Variants in CPLANE1 observed in about 807,000 individuals in gnomAD.
CPLANE1 encodes ciliogenesis and planar polarity effector complex subunit 1.
Under a neutral mutation model 362.5 loss-of-function variants are expected in CPLANE1, and 263 were observed. The ratio of observed to expected loss-of-function variants is 0.73; its 90% CI spans 0.66 to 0.80. The LOEUF is 0.80. Ranked by LOEUF, CPLANE1 falls within the 30% of genes least tolerant of loss-of-function variation. The pLI is 0.00. For synonymous variants in CPLANE1, 1,212 were observed against 1,302.6 expected (o/e 0.93, Z 1.50); for missense variants, 3,461 against 3,793.4 (o/e 0.91, Z 2.30).
intron 8 of CPLANE1, among the ~76,000 whole-genome samples, chr5:37,236,355 C>T (rs1216636038): frequency 2.0e-5 from 3 of 151,966 alleles, no homozygotes; most frequent in African/African-American, 4.8e-5. Context: ...AAAAATAGTG[C>T]TGGGAAAATT....
intron 8 of CPLANE1, among the ~76,000 whole-genome samples, chr5:37,233,911 C>T (rs1441713191): frequency 3.9e-5 from 6 of 152,130 alleles, no homozygotes; most frequent in Admixed American, 3.9e-4. Flanking sequence ...AACAAAACTT[C>T]ACCATAACCC....
chr5:37,159,173 G>C (rs1341327095), intron 38 of CPLANE1, among the ~76,000 whole-genome samples: 2 of 130,752 alleles, frequency 1.5e-5, no homozygotes, highest in Middle Eastern at 9.2e-3. Flanking sequence ...CTGCAGTGGC[G>C]CAATCTCGGC....
At chr5:37,079,068 C>T in the CPLANE1 span, among the ~76,000 whole-genome samples, 6 of 152,036 alleles carry the variant, frequency 3.9e-5, no homozygotes, top group East Asian at 1.9e-4. Flanking sequence ...AGATCCCAGT[C>T]GTCAATTTTT....
chr5:37,104,095 GT>G, downstream of CPLANE1, among the ~76,000 whole-genome samples: 1 of 152,202 alleles, frequency 6.6e-6, no homozygotes, highest in East Asian at 1.9e-4. Context: ...TTGTCTGCAT[GT>G]TTTATTTCAG....
chr5:37,224,946 C>CTTTTT (rs199801993), intron 12 of CPLANE1, among the ~76,000 whole-genome samples: 8 of 131,290 alleles, frequency 6.1e-5, no homozygotes, highest in African/African-American at 2.2e-4. Flanking sequence ...CACCTGTAAT[C>CTTTTT]TTTTTTTTTT....
chr5:37,105,224 T>C (rs1280691953), downstream of CPLANE1, among the ~76,000 whole-genome samples: 1 of 151,870 alleles, frequency 6.6e-6, no homozygotes, highest in African/African-American at 2.4e-5. Flanking sequence ...CGCTTGAGCC[T>C]GGTAGGTCAA....
intron 6 of CPLANE1, among the ~76,000 whole-genome samples, 168 bp downstream of exon 6, chr5:37,242,845 A>G (rs1434061548): frequency 6.6e-6 from 1 of 152,066 alleles, no homozygotes; most frequent in Admixed American, 6.6e-5. Flanking sequence ...CTGTTAAAAA[A>G]AAAAAAAAAA....
At position 37,176,364 on chromosome 5, in the gene CPLANE1, G is replaced by A. The variant is rs57564262; in HGVS notation, c.5901-378C>T. Reference sequence around the variant, plus strand: ...TTGAAACTGTAAAGAGGCTGGGCACGATGGCTCACGACTGTAATCCCAGCA... The same window carrying A: ...TTGAAACTGTAAAGAGGCTGGGCACAATGGCTCACGACTGTAATCCCAGCA... On this transcript the variant is annotated intron_variant, in intron 30 of 52. Transcript: ENST00000651892. Among the ~76,000 whole-genome samples the A allele has an allele frequency of 7.1e-3, 1,087 of 152,132 alleles. 18 individuals carry two copies. Among genetic ancestry groups the A allele is most frequent in the African/African-American group, 0.024 (1,015 of 41,488 alleles).
chr5:37,150,476 T>C (rs996722085), intron 42 of CPLANE1, among the ~76,000 whole-genome samples: 74 of 152,152 alleles, frequency 4.9e-4, no homozygotes, highest in African/African-American at 1.8e-3. Context: ...AAATTTATCA[T>C]GTCCCTGATA....
Position 37,226,741 on chromosome 5 carries a change from T to C in CPLANE1, c.1854A>G (p.Lys618=), listed in dbSNP as rs772570446. Residue 618 remains lysine, a synonymous_variant, in exon 12 of 53, where the codon AAA becomes AAG. Coordinates refer to ENST00000651892, the MANE Select transcript of CPLANE1 (RefSeq NM_001384732.1). The part of the protein sequence containing the change: ...ILQFIKCPFP[K]LDLVLSKSSR... The stretch of plus-strand genomic sequence containing the variant: ...AGCTTTTGCTTAAAACAAGATCAAG[T>C]TTAGGAAAAGGACATTTTATAAATT... The C allele has an allele frequency of 1.3e-6, 2 of 1,543,902 alleles. No individual in the cohort carries two copies. The highest frequency in any genetic ancestry group is 2.4e-5 in the South Asian group (2 of 82,352).
At chr5:37,210,400 T>A (rs1262839415) in intron 16 of CPLANE1, 17 of 1,010,704 alleles carry the variant, frequency 1.7e-5, no homozygotes, top group Non-Finnish European at 1.6e-6. Flanking sequence ...GACCAAAAAC[T>A]CAAGAATGAA....
At chr5:37,140,892 G>A in intron 44 of CPLANE1, 1 of 968,648 alleles carries the variant, frequency 1.0e-6, no homozygotes, top group South Asian at 4.8e-5. Context: ...TATTGTTAGT[G>A]TTAGTGTATT....
intron 16 of CPLANE1, 39 bp downstream of exon 16, chr5:37,213,520 T>C: frequency 7.1e-7 from 1 of 1,409,776 alleles, no homozygotes; most frequent in Non-Finnish European, 9.5e-7. Flanking sequence ...TTATGTGCAA[T>C]GCAAAAAAAG....
intron 20 of CPLANE1, 28 bp downstream of exon 20, chr5:37,198,674 C>G (rs185544691): frequency 6.3e-7 from 1 of 1,590,588 alleles, no homozygotes. Context: ...GTTAACACAG[C>G]ATGTAAATGA....
chr5:37,125,572 T>G, intron 46 of CPLANE1, 163 bp from the exon 47 acceptor site: 1 of 613,498 alleles, frequency 1.6e-6, no homozygotes, highest in South Asian at 2.2e-5. Context: ...TTACCTGAAC[T>G]CCACTGAAAA....
chr5:37,132,347 T>G (rs866159203), intron 46 of CPLANE1, among the ~76,000 whole-genome samples: 28,686 of 133,740 alleles, frequency 0.21, 2,512 homozygotes, highest in South Asian at 0.32. Context: ...GTTTTTTTTT[T>G]TTTTTTTTTT....
At chr5:37,175,382 A>G (rs1444261080) in intron 31 of CPLANE1, among the ~76,000 whole-genome samples, 1 of 152,216 alleles carries the variant, frequency 6.6e-6, no homozygotes, top group Non-Finnish European at 1.5e-5. Context: ...GTCTCCTTGC[A>G]CAAACAGATC....
At chr5:37,119,381 A>C (rs529235987) in intron 50 of CPLANE1, among the ~76,000 whole-genome samples, 1 of 152,300 alleles carries the variant, frequency 6.6e-6, no homozygotes, top group Non-Finnish European at 1.5e-5. Context: ...ATTAAAAAAA[A>C]GCCATTCGGC....
chr5:37,142,342 G>A lies in CPLANE1; in HGVS notation c.8600C>T (p.Ser2867Phe). The A allele has an allele frequency of 6.2e-7, 1 of 1,604,982 alleles. No homozygotes were observed. The highest frequency in any genetic ancestry group is 8.5e-7 in the Non-Finnish European group (1 of 1,177,052). Residue 2867 changes from serine (S) to phenylalanine (F), a missense_variant, in exon 44 of 53, where the codon TCC becomes TTC. Ser to Phe is a radical substitution (Grantham distance 155). Coordinates refer to ENST00000651892, the MANE Select transcript of CPLANE1 (RefSeq NM_001384732.1). ...FPTADSAVSL[S>F]SSSDQNTTSP... ...AGTAGTATTCTGATCACTGGAACTG[G>A]AAAGGCTGACAGCTGAATCGGCAGT...
Sources: gnomAD v4.1 joint callset for allele counts (sites outside exome capture counted in the v4.1 genomes callset) on GRCh38, gnomAD v4.1.1 for gene constraint, MANE v1.5 for transcripts, NCBI Gene and HGNC (gene_info 2026-07-23, HGNC 2026-07-21) for gene names.